EPHA3: variants seen among roughly 807,000 people sequenced by gnomAD.
The protein encoded by EPHA3 is ephrin type-A receptor 3.
In EPHA3, 42 loss-of-function variants were observed where a neutral mutation model predicts 107.1. The observed-to-expected ratio is 0.39, with a 90% CI of 0.31 to 0.51. The LOEUF (loss-of-function observed/expected upper bound fraction) is 0.51. Among genes scored for constraint, EPHA3 ranks in the 20% least tolerant of loss-of-function variants. EPHA3 has a pLI of 0.78. For missense variants in EPHA3, 1,183 were observed against 1,211.2 expected (o/e 0.98, Z 0.35); for synonymous variants, 461 against 424.8 (o/e 1.09, Z -1.05).
rs896058155 is a variant in EPHA3 at position 89,241,149 on chromosome 3, A to G, written c.814+30629A>G. The stretch of plus-strand genomic sequence containing the variant: ...ACATTAAAAAAACACCAGTCATTGC[A>G]TAATAATATACTTTTTAATGTCTCT... On this transcript the variant is annotated intron_variant, in intron 3 of 16. Transcript: ENST00000336596. Among the ~76,000 whole-genome samples, 30 of 152,098 alleles carry G rather than the reference A, an allele frequency of 2.0e-4. 1 individual carries two copies. The highest frequency in any genetic ancestry group is 3.8e-4 in the Non-Finnish European group (26 of 68,012).
chr3:89,118,755 C>T (rs546989060), intron 1 of EPHA3, among the ~76,000 whole-genome samples: 94 of 151,284 alleles, frequency 6.2e-4, no homozygotes, highest in Non-Finnish European at 9.0e-4. Context: ...GATTAGTTAC[C>T]CACTAGATTT....
chr3:89,418,035 C>T lies in EPHA3; in HGVS notation c.1889-1170C>T, dbSNP rs76816830. On this transcript the variant is annotated intron_variant, in intron 10 of 16. Transcript: ENST00000336596. ...AGGACAACCTGCTACTTTTGTGGTTCAAACCACTTGCTTGAAAACAAAAAT... is the reference window on the plus strand; with the variant it reads ...AGGACAACCTGCTACTTTTGTGGTTTAAACCACTTGCTTGAAAACAAAAAT... Among the ~76,000 whole-genome samples the T allele has an allele frequency of 9.4e-3, 1,415 of 151,244 alleles. 23 individuals are homozygous for T. Among genetic ancestry groups the T allele is most frequent in the African/African-American group, 0.033 (1,351 of 41,392 alleles).
intron 3 of EPHA3, among the ~76,000 whole-genome samples, chr3:89,214,998 T>C (rs1018274238): frequency 6.6e-6 from 1 of 151,906 alleles, no homozygotes; most frequent in African/African-American, 2.4e-5. Flanking sequence ...ACGAGTTTAG[T>C]TAGTTGGAAA....
chr3:89,421,314 A>T (rs1418804714), intron 11 of EPHA3, among the ~76,000 whole-genome samples: 1 of 151,354 alleles, frequency 6.6e-6, no homozygotes, highest in African/African-American at 2.4e-5. Context: ...ATGTTGAAAA[A>T]TTAAAAAAAA....
chr3:89,162,386 A>C (rs919997707), intron 2 of EPHA3, among the ~76,000 whole-genome samples: 1 of 152,178 alleles, frequency 6.6e-6, no homozygotes. Context: ...GTGAATGATG[A>C]TGTTAGTTTT....
intron 15 of EPHA3, among the ~76,000 whole-genome samples, chr3:89,468,722 T>A (rs1207122456): frequency 2.0e-5 from 3 of 152,154 alleles, no homozygotes; most frequent in Admixed American, 1.3e-4. Flanking sequence ...TCTTATCAAT[T>A]TTTTAGTGGT....
intron 3 of EPHA3, among the ~76,000 whole-genome samples, chr3:89,250,889 T>C (rs1349616976): frequency 6.6e-6 from 1 of 152,154 alleles, no homozygotes; most frequent in Admixed American, 6.5e-5. Flanking sequence ...GTGATATCTT[T>C]CTATAAGACT....
intron 3 of EPHA3, among the ~76,000 whole-genome samples, chr3:89,299,211 G>C (rs970411202): frequency 1.3e-5 from 2 of 151,996 alleles, no homozygotes; most frequent in Non-Finnish European, 2.9e-5. Flanking sequence ...TAATCAGGAG[G>C]AAGTGACAAG....
chr3:89,261,771 T>C (rs1475990459), intron 3 of EPHA3, among the ~76,000 whole-genome samples: 1 of 151,828 alleles, frequency 6.6e-6, no homozygotes, highest in African/African-American at 2.4e-5. Flanking sequence ...TTGAAAGCCA[T>C]TTTCAGTCAT....
intron 3 of EPHA3, among the ~76,000 whole-genome samples, chr3:89,263,021 C>T (rs1222216910): frequency 1.5e-5 from 2 of 133,588 alleles, no homozygotes; most frequent in Non-Finnish European, 3.1e-5. Flanking sequence ...GATACATGTG[C>T]AGAAGGTGCA....
chr3:89,161,659 A>C (rs1704945785), intron 2 of EPHA3, among the ~76,000 whole-genome samples: 1 of 152,110 alleles, frequency 6.6e-6, no homozygotes, highest in Non-Finnish European at 1.5e-5. Context: ...ACCTTGTGTG[A>C]ATATCCTATA....
chr3:89,449,745 A>G (rs1445245137), intron 14 of EPHA3, among the ~76,000 whole-genome samples: 1 of 152,150 alleles, frequency 6.6e-6, no homozygotes, highest in Non-Finnish European at 1.5e-5. Context: ...AGCACTTAGG[A>G]TTTTACAAAA....
chr3:89,276,644 A>T (rs1226659932), intron 3 of EPHA3, among the ~76,000 whole-genome samples: 1 of 152,122 alleles, frequency 6.6e-6, no homozygotes, highest in Non-Finnish European at 1.5e-5. Flanking sequence ...ATTTGGGAAA[A>T]AATATGAAAT....
chr3:89,467,155 A>T (rs1190180625), intron 15 of EPHA3, among the ~76,000 whole-genome samples: 1 of 152,208 alleles, frequency 6.6e-6, no homozygotes, highest in Non-Finnish European at 1.5e-5. Context: ...ACATTAAAAT[A>T]AATTGGCAAA....
chr3:89,306,339 C>A (rs1353993575), intron 3 of EPHA3, among the ~76,000 whole-genome samples: 23 of 152,068 alleles, frequency 1.5e-4, no homozygotes, highest in Non-Finnish European at 2.5e-4. Flanking sequence ...CATCTTAGAG[C>A]AGGAAATTTA....
At chr3:89,227,392 C>A (rs1704526589) in intron 3 of EPHA3, among the ~76,000 whole-genome samples, 1 of 151,790 alleles carries the variant, frequency 6.6e-6, no homozygotes, top group Non-Finnish European at 1.5e-5. Flanking sequence ...GGATCTAAGC[C>A]CAAGGGATCA....
At chr3:89,409,089 A>G (rs1709109033) in intron 9 of EPHA3, among the ~76,000 whole-genome samples, 1 of 152,120 alleles carries the variant, frequency 6.6e-6, no homozygotes, top group South Asian at 2.1e-4. Flanking sequence ...AATGCCTTTC[A>G]AAATATAAAT....
intron 5 of EPHA3, among the ~76,000 whole-genome samples, chr3:89,387,983 G>T (rs554173667): frequency 1.3e-5 from 2 of 151,860 alleles, no homozygotes; most frequent in East Asian, 3.9e-4. Flanking sequence ...TCAAAAAATC[G>T]GGGGAGGAAA....
chr3:89,315,283 T>G (rs1036293381), intron 3 of EPHA3, among the ~76,000 whole-genome samples: 1 of 151,842 alleles, frequency 6.6e-6, no homozygotes, highest in South Asian at 2.1e-4. Flanking sequence ...TATCTTATAA[T>G]GACAGTGTAT....
Sources: allele counts gnomAD v4.1 joint callset (sites outside exome capture counted in the v4.1 genomes callset), GRCh38; gene constraint gnomAD v4.1.1; transcripts MANE v1.5; gene names NCBI Gene and HGNC (gene_info 2026-07-23, HGNC 2026-07-21).